The following MED12L variants were observed in gnomAD, a reference collection of about 807,000 sequenced individuals.
The protein encoded by MED12L is mediator complex subunit 12L, also known as mediator of RNA polymerase II transcription subunit 12-like protein.
A neutral mutation model predicts 281.3 loss-of-function variants in MED12L; 60 were observed. The observed-to-expected ratio is 0.21, with a 90% CI of 0.17 to 0.26. MED12L has a LOEUF of 0.26. MED12L is among the 10% of genes least tolerant of loss of function. The pLI is 1.00. For missense variants in MED12L, 2,146 were observed against 2,680.9 expected (o/e 0.80, Z 4.41); for synonymous variants, 974 against 987.2 (o/e 0.99, Z 0.25).
At chr3:151,255,752 T>C (rs1316462954) in intron 16 of MED12L, among the ~76,000 whole-genome samples, 1 of 152,186 alleles carries the variant, frequency 6.6e-6, no homozygotes, top group Non-Finnish European at 1.5e-5. Flanking sequence ...AGATTAATTG[T>C]GATTCTTTGC....
At chr3:151,167,204 C>G (rs1412599073) in intron 11 of MED12L, among the ~76,000 whole-genome samples, 1 of 152,148 alleles carries the variant, frequency 6.6e-6, no homozygotes, top group Non-Finnish European at 1.5e-5. Flanking sequence ...ACATATCTAG[C>G]AATAGATTGT....
chr3:151,163,762 C>A, intron 8 of MED12L, 131 bp from the exon 9 acceptor site: 2 of 843,424 alleles, frequency 2.4e-6, no homozygotes, highest in Non-Finnish European at 3.5e-6. Flanking sequence ...TGGGGTAAGA[C>A]ACTCTCGTAT....
intron 11 of MED12L, among the ~76,000 whole-genome samples, chr3:151,181,209 TAAA>T (rs1355515149): frequency 1.3e-5 from 2 of 152,104 alleles, no homozygotes; most frequent in African/African-American, 4.8e-5. Flanking sequence ...TCTTTGGTAT[TAAA>T]AATAATATAT....
At position 151,435,291 on chromosome 3, in the gene MED12L, ACT is replaced by A. The variant is rs1369941857; in HGVS notation, c.*2492_*2493del. The A allele has an allele frequency of 5.3e-5, 8 of 151,434 alleles. No homozygotes were observed. Among genetic ancestry groups the A allele is most frequent in the African/African-American group, 1.9e-4 (8 of 41,192 alleles). 9.4% of individuals were successfully genotyped at this position (151,434 alleles called of 1,614,324 possible). A position where few individuals can be genotyped will look rare whatever the true frequency, so the allele number is the denominator to read the frequency against. On this transcript the variant is annotated 3_prime_UTR_variant, in exon 45 of 45. Coordinates refer to ENST00000687756, the MANE Select transcript of MED12L (RefSeq NM_001393769.1). ...GTTCTTGGATATAAGAAGCCCATAGACTCTCTTGTTTACACTGTAGGCTTTTT... is the reference window on the plus strand; with the variant it reads ...GTTCTTGGATATAAGAAGCCCATAGACTCTTGTTTACACTGTAGGCTTTTT...
At chr3:151,165,003 AAAAAT>A (rs759274673) in intron 9 of MED12L, among the ~76,000 whole-genome samples, 95 of 146,908 alleles carry the variant, frequency 6.5e-4, no homozygotes, top group Non-Finnish European at 1.0e-3. Flanking sequence ...AAAGTATAAT[AAAAAT>A]AAAATAAAAT....
chr3:151,368,350 T>TG, intron 25 of MED12L, 99 bp downstream of exon 25: 1 of 1,037,422 alleles, frequency 9.6e-7, no homozygotes. Context: ...GCCTTCTTAA[T>TG]TTTTTGGGCA....
At chr3:151,193,421 A>G (rs1196698916) in intron 15 of MED12L, 69 bp from the exon 16 acceptor site, 6 of 1,218,600 alleles carry the variant, frequency 4.9e-6, no homozygotes, top group Non-Finnish European at 7.1e-6. Flanking sequence ...GTGTTTTGGT[A>G]TGTAGCACTG....
chr3:151,107,577 G>C (rs1360804150), intron 2 of MED12L, among the ~76,000 whole-genome samples: 1 of 152,160 alleles, frequency 6.6e-6, no homozygotes, highest in Non-Finnish European at 1.5e-5. Context: ...ATGTATTTCA[G>C]GGGGTGGGAA....
At position 151,094,857 on chromosome 3, in the gene MED12L, C is replaced by G. The variant is rs1310118720; in HGVS notation, c.99+7832C>G. ...AAGAATAATTATTAAGTAACTTTGACTGATTTAGAGAAATGGGTTTCTGTT... is the reference window on the plus strand; with the variant it reads ...AAGAATAATTATTAAGTAACTTTGAGTGATTTAGAGAAATGGGTTTCTGTT... On this transcript the variant is annotated intron_variant, in intron 2 of 44. Transcript: ENST00000687756. Among the ~76,000 whole-genome samples, 3 of 152,164 alleles carry G rather than the reference C, an allele frequency of 2.0e-5. No homozygotes were observed. In the East Asian group the frequency reaches 5.8e-4, roughly 29 times the overall value.
At chr3:151,416,116 G>C (rs1015702526) in intron 42 of MED12L, among the ~76,000 whole-genome samples, 196 bp from the exon 43 acceptor site, 2 of 152,278 alleles carry the variant, frequency 1.3e-5, no homozygotes, top group Admixed American at 6.5e-5. Context: ...GTCCTAGAAG[G>C]CTTCATGGAT....
At chr3:151,321,877 C>T (rs2149825933) in intron 16 of MED12L, among the ~76,000 whole-genome samples, 1 of 152,288 alleles carries the variant, frequency 6.6e-6, no homozygotes, top group South Asian at 2.1e-4. Context: ...CCCCATCTCT[C>T]CTTTCCTCTG....
intron 39 of MED12L, among the ~76,000 whole-genome samples, chr3:151,402,148 C>T (rs1715765930): frequency 6.6e-6 from 1 of 152,160 alleles, no homozygotes; most frequent in South Asian, 2.1e-4. Context: ...ACTTTCCAAT[C>T]CTCAGTATAG....
At chr3:151,341,712 A>T (rs1461110654) in intron 16 of MED12L, among the ~76,000 whole-genome samples, 2 of 151,784 alleles carry the variant, frequency 1.3e-5, no homozygotes, top group African/African-American at 4.8e-5. Context: ...TATCTCCTAA[A>T]GCTATCCCTC....
At chr3:151,384,549 A>T (rs1478714860) in intron 35 of MED12L, 1 of 203,872 alleles carries the variant, frequency 4.9e-6, no homozygotes, top group Non-Finnish European at 9.7e-6. Flanking sequence ...AATTGAAAAA[A>T]TAGCCATCTG....
chr3:151,424,077 C>T (rs998258054), intron 43 of MED12L, among the ~76,000 whole-genome samples: 19 of 152,150 alleles, frequency 1.2e-4, no homozygotes, highest in Non-Finnish European at 2.5e-4. Flanking sequence ...TTCAGTCTGC[C>T]TCTGGAATTG....
intron 4 of MED12L, 45 bp from the exon 5 acceptor site, chr3:151,127,780 C>A: frequency 1.1e-5 from 16 of 1,405,166 alleles, no homozygotes; most frequent in Non-Finnish European, 1.5e-5. Context: ...TAGTGATGAA[C>A]ACAGTACGTG....
In MED12L at chr3:151,436,645, A is replaced by AAAAAT. The variant is rs781768519; in HGVS notation, c.*3845_*3849dup. ...GCTGCCTTTGATTAAACTTCTTCCA[A>AAAAAT]AAAATAAATTCTGCCCAGATGTTGT... On this transcript the variant is annotated 3_prime_UTR_variant, in exon 45 of 45. Transcript: ENST00000687756. 7 of 1,422,770 alleles carry AAAAAT rather than the reference A, an allele frequency of 4.9e-6. 1 individual carries two copies. The highest frequency in any genetic ancestry group is 4.6e-5 in the East Asian group (2 of 43,780). 88.1% of individuals were successfully genotyped at this position (1,422,770 alleles called of 1,614,324 possible). A position where few individuals can be genotyped will look rare whatever the true frequency, so the allele number is the denominator to read the frequency against.
intron 16 of MED12L, among the ~76,000 whole-genome samples, chr3:151,248,465 G>A (rs1007262568): frequency 6.6e-5 from 10 of 151,920 alleles, no homozygotes; most frequent in Admixed American, 3.9e-4. Flanking sequence ...CAGTATATTC[G>A]TTCTTTATTG....
At chr3:151,125,140 T>A (rs1347723470) in intron 4 of MED12L, among the ~76,000 whole-genome samples, 1 of 152,244 alleles carries the variant, frequency 6.6e-6, no homozygotes, top group East Asian at 1.9e-4. Flanking sequence ...GATTCTTTAC[T>A]GAATAACATG....
Sources: allele counts gnomAD v4.1 joint callset (sites outside exome capture counted in the v4.1 genomes callset), GRCh38; gene constraint gnomAD v4.1.1; transcripts MANE v1.5; gene names NCBI Gene and HGNC (gene_info 2026-07-23, HGNC 2026-07-21).